The following NOX4 variants were observed in gnomAD, a reference collection of about 807,000 sequenced individuals.
NOX4 encodes the protein kidney oxidase-1.
A neutral mutation model predicts 87.6 loss-of-function variants in NOX4; 69 were observed. The ratio of observed to expected loss-of-function variants is 0.79; its 90% CI spans 0.65 to 0.96. The LOEUF is 0.96. Ranked by LOEUF, NOX4 falls within the 40% of genes least tolerant of loss-of-function variation. NOX4 has a pLI of 0.00. For synonymous variants in NOX4, 275 were observed against 238.2 expected (o/e 1.15, Z -1.42); for missense variants, 680 against 681.5 (o/e 1.00, Z 0.02).
chr11:89,426,792 G>A (rs765723241), intron 7 of NOX4, among the ~76,000 whole-genome samples: 4 of 152,112 alleles, frequency 2.6e-5, no homozygotes, highest in African/African-American at 9.7e-5. Context: ...CTCCACCTCG[G>A]GGGGCAGGGC....
In NOX4 at chr11:89,373,298, A is replaced by G. The variant is rs1939592087; in HGVS notation, c.1135+134T>C. The G allele has an allele frequency of 1.0e-5, 4 of 383,812 alleles. No individual in the cohort carries two copies. In the African/African-American group the frequency reaches 1.1e-4, roughly 10 times the overall value. 23.8% of individuals were successfully genotyped at this position (383,812 alleles called of 1,614,324 possible). A position where few individuals can be genotyped will look rare whatever the true frequency, so the allele number is the denominator to read the frequency against. On this transcript the variant is annotated intron_variant, in intron 12 of 17. Transcript: ENST00000263317. ...CAAGCAAAAAAAAAAAAAAAAAAAAACAAAAAAAAACCCAGAACAGCTTGA... is the reference window on the plus strand; with the variant it reads ...CAAGCAAAAAAAAAAAAAAAAAAAAGCAAAAAAAAACCCAGAACAGCTTGA...
At chr11:89,400,558 G>A (rs541563813) in intron 9 of NOX4, among the ~76,000 whole-genome samples, 179 bp from the exon 10 acceptor site, 4 of 152,068 alleles carry the variant, frequency 2.6e-5, no homozygotes, top group African/African-American at 9.6e-5. Context: ...ACAAACAAAA[G>A]TATAAAATAA....
At chr11:89,410,462 C>T (rs562606000) in intron 8 of NOX4, among the ~76,000 whole-genome samples, 7 of 152,250 alleles carry the variant, frequency 4.6e-5, no homozygotes, top group African/African-American at 1.4e-4. Context: ...GAAAGGGATT[C>T]CCTGCATAAA....
chr11:89,530,017 T>TCCTA, the NOX4 span, among the ~76,000 whole-genome samples: 1 of 152,138 alleles, frequency 6.6e-6, no homozygotes, highest in Non-Finnish European at 1.5e-5. Context: ...ACTCACTGTG[T>TCCTA]CCTAGCTACC....
intron 8 of NOX4, among the ~76,000 whole-genome samples, chr11:89,404,199 G>C (rs997248515): frequency 1.3e-5 from 2 of 152,068 alleles, no homozygotes; most frequent in African/African-American, 4.8e-5. Flanking sequence ...AGACAACCTA[G>C]GAATTTGATT....
intron 8 of NOX4, among the ~76,000 whole-genome samples, chr11:89,413,404 A>G (rs947813368): frequency 2.0e-5 from 3 of 152,324 alleles, no homozygotes; most frequent in African/African-American, 7.2e-5. Flanking sequence ...CACTATTCAC[A>G]ATAGCCAAGA....
the NOX4 span, among the ~76,000 whole-genome samples, chr11:89,519,685 G>A: frequency 2.6e-5 from 4 of 152,010 alleles, no homozygotes; most frequent in Non-Finnish European, 5.9e-5. Context: ...CAATAAAGTC[G>A]TTAAAATCCT....
chr11:89,438,360 T>C lies in NOX4; in HGVS notation c.475+2328A>G, dbSNP rs370016973. 1.1e-4 allele frequency among the ~76,000 whole-genome samples: 12 copies of C among 113,054 alleles called. No individual in the cohort carries two copies. In the East Asian group the frequency reaches 1.2e-3, roughly 12 times the overall value. 74.2% of individuals were successfully genotyped at this position (113,054 alleles called of 152,430 possible). A position where few individuals can be genotyped will look rare whatever the true frequency, so the allele number is the denominator to read the frequency against. ...CATTATATACTATATATACTATATA[T>C]TATATAATATATATAATATATAATA... On this transcript the variant is annotated intron_variant, in intron 6 of 17. Transcript: ENST00000263317.
intron 11 of NOX4, among the ~76,000 whole-genome samples, chr11:89,391,718 T>C (rs1250083711): frequency 7.6e-6 from 1 of 131,332 alleles, no homozygotes; most frequent in African/African-American, 3.0e-5. Flanking sequence ...CCAGCCTGGG[T>C]GACAGAGGCA....
chr11:89,431,933 A>G (rs1344184486), intron 7 of NOX4, among the ~76,000 whole-genome samples: 1 of 152,166 alleles, frequency 6.6e-6, no homozygotes, highest in Non-Finnish European at 1.5e-5. Flanking sequence ...TCACAATAGC[A>G]AAGACTTGGA....
chr11:89,438,978 A>ATATAT (rs1337496580), intron 6 of NOX4, among the ~76,000 whole-genome samples: 1 of 101,206 alleles, frequency 9.9e-6, no homozygotes, highest in Non-Finnish European at 1.9e-5. Context: ...ATATATAATT[A>ATATAT]TATATTATAT....
intron 12 of NOX4, among the ~76,000 whole-genome samples, chr11:89,364,032 G>T (rs1938737703): frequency 6.6e-6 from 1 of 152,008 alleles, no homozygotes; most frequent in Non-Finnish European, 1.5e-5. Flanking sequence ...AAAGCTTGAG[G>T]CCAGGGATTT....
At position 89,336,026 on chromosome 11, in the gene NOX4, G is replaced by C. The variant is rs1590950982; in HGVS notation, c.1516-81C>G. ...TAACATCATTTCTGCTGGTGCTGCG[G>C]CTTCCCACCAAATTGCTGTGATATA... On this transcript the variant is annotated intron_variant, in intron 16 of 17. Transcript: ENST00000263317. 5.0e-6 allele frequency: 4 copies of C among 794,160 alleles called. No homozygotes were observed. The East Asian group carries it at 1.1e-4, about 22-fold the overall frequency. The allele number at this position is 794,160 out of a possible 1,614,324, so 49.2% of individuals were successfully genotyped here. A position where few individuals can be genotyped will look rare whatever the true frequency, so the allele number is the denominator to read the frequency against.
rs1479396902 is a variant in NOX4 at position 89,340,550 on chromosome 11, C to G, written c.1338-379G>C. ...AGAAAAAAAACAAGTTTTCAACTTTCAGTGAATTCTATCACAGACTGAGTA... is the reference window on the plus strand; with the variant it reads ...AGAAAAAAAACAAGTTTTCAACTTTGAGTGAATTCTATCACAGACTGAGTA... On this transcript the variant is annotated intron_variant, in intron 14 of 17. Coordinates refer to ENST00000263317, the MANE Select transcript of NOX4 (RefSeq NM_016931.5). Among the ~76,000 whole-genome samples the G allele has an allele frequency of 2.0e-5, 3 of 152,172 alleles. 1 individual carries two copies. Among genetic ancestry groups the G allele is most frequent in the Non-Finnish European group, 4.4e-5 (3 of 68,020 alleles).
chr11:89,583,488 T>C, the NOX4 span, among the ~76,000 whole-genome samples: 2 of 152,190 alleles, frequency 1.3e-5, no homozygotes, highest in African/African-American at 2.4e-5. Flanking sequence ...GCAACATATT[T>C]GAAAAATCTT....
intron 7 of NOX4, among the ~76,000 whole-genome samples, chr11:89,428,701 C>A (rs1057441256): frequency 6.6e-6 from 1 of 151,938 alleles, no homozygotes; most frequent in South Asian, 2.1e-4. Flanking sequence ...ACAGGAGCAC[C>A]CAGATTCATA....
chr11:89,522,539 T>C, the NOX4 span, among the ~76,000 whole-genome samples: 1 of 152,130 alleles, frequency 6.6e-6, no homozygotes, highest in Non-Finnish European at 1.5e-5. Context: ...TATTGAATAC[T>C]ACACATAGTA....
intron 2 of NOX4, among the ~76,000 whole-genome samples, chr11:89,461,472 G>A (rs1012963461): frequency 7.9e-5 from 12 of 151,646 alleles, no homozygotes; most frequent in Admixed American, 2.6e-4. Context: ...GTGAAACTCC[G>A]TCTCTACTAA....
chr11:89,525,497 G>A, the NOX4 span, among the ~76,000 whole-genome samples: 1 of 151,874 alleles, frequency 6.6e-6, no homozygotes, highest in Non-Finnish European at 1.5e-5. Flanking sequence ...CTTTTTCTGT[G>A]CTCATTGGCC....
Sources: allele counts gnomAD v4.1 joint callset (sites outside exome capture counted in the v4.1 genomes callset), GRCh38; gene constraint gnomAD v4.1.1; transcripts MANE v1.5; gene names NCBI Gene and HGNC (gene_info 2026-07-23, HGNC 2026-07-21).